ZNF517: variants seen among roughly 807,000 people sequenced by gnomAD.
The protein encoded by ZNF517 is zinc finger protein 517.
ZNF517 carries 12 observed loss-of-function variants against 12.1 expected under a neutral mutation model. The ratio of observed to expected loss-of-function variants is 0.99; its 90% CI spans 0.63 to 1.61. The LOEUF is 1.61. ZNF517 is among the 40% of genes most tolerant of loss of function. The probability of loss-of-function intolerance (pLI) is 0.00; values close to 1 mark genes in which losing one functional copy is unlikely to be tolerated. For missense variants in ZNF517, 781 were observed against 693.2 expected, an observed-to-expected ratio of 1.13 and a Z score of -1.42; for synonymous variants, 388 against 310.2, an observed-to-expected ratio of 1.25 and a Z score of -2.63.
At chr8:144,811,726 CAG>C (rs1218745695), downstream of ZNF517, among the ~76,000 whole-genome samples, 5 of 131,418 alleles carry the variant, frequency 3.8e-5, no homozygotes, top group South Asian at 2.6e-4. Context: ...AAGGCTGAGA[CAG>C]GGTGGGAGAG....
At position 144,809,219 on chromosome 8, in the gene ZNF517, ATCTC is replaced by A. The variant is rs1320438597; in HGVS notation, c.*828_*831del. 4.6e-5 allele frequency: 7 copies of A among 151,216 alleles called. No homozygotes were observed. The highest frequency in any genetic ancestry group is 7.4e-5 in the Non-Finnish European group (5 of 67,960). 9.4% of individuals were successfully genotyped at this position (151,216 alleles called of 1,614,324 possible). A position where few individuals can be genotyped will look rare whatever the true frequency, so the allele number is the denominator to read the frequency against. ...TATCTATCTCTTTTTTTGAGGCAGG[ATCTC>A]TCTGTCAGCCAGCCTGGAGTGCAAT... On this transcript the variant is annotated 3_prime_UTR_variant, in exon 5 of 5. Transcript: ENST00000359971.
In ZNF517 at chr8:144,808,632, GGAAATGTCCA is replaced by G; in HGVS notation, c.*239_*248del. On this transcript the variant is annotated 3_prime_UTR_variant, in exon 5 of 5. Coordinates refer to ENST00000359971, the MANE Select transcript of ZNF517 (RefSeq NM_213605.3). ...CAGCCACCATTTCCTGGGGCCTTCC[GGAAATGTCCA>G]GGAGCGGGCAGAAGGGAGAGAGGGA... The G allele has an allele frequency of 2.1e-6, 1 of 482,204 alleles. No homozygotes were observed. Among genetic ancestry groups the G allele is most frequent in the African/African-American group, 2.0e-5 (1 of 49,798 alleles). The allele number at this position is 482,204 out of a possible 1,614,324, so 29.9% of individuals were successfully genotyped here. A position where few individuals can be genotyped will look rare whatever the true frequency, so the allele number is the denominator to read the frequency against.
In ZNF517 at chr8:144,807,455, G is replaced by A. The variant is rs905637322; in HGVS notation, c.539G>A (p.Cys180Tyr). ...GGGAGCTCAGCCCCCCGCTACAGGT[G>A]CGTGTGCGGCAAGGCGTTCAGATAC... is the stretch of plus-strand genomic sequence containing the variant. ...PVGSSAPRYR[C>Y]VCGKAFRYNS... is the part of the protein sequence containing the mutation. The change falls in exon 5 of 5, where the codon TGC becomes TAC. Residue 180 changes from cysteine (C) to tyrosine (Y), a missense_variant. Transcript: ENST00000359971. 16 of 1,576,938 alleles carry A rather than the reference G, an allele frequency of 1.0e-5. No homozygotes were observed. The highest frequency in any genetic ancestry group is 1.8e-5 in the Admixed American group (1 of 54,330).
intron 3 of ZNF517, 139 bp from the exon 4 acceptor site, chr8:144,803,986 C>T (rs1245427444): frequency 4.7e-6 from 5 of 1,068,324 alleles, no homozygotes; most frequent in Non-Finnish European, 5.3e-6. Context: ...CCCCTGGCCA[C>T]CTAGCTGCCC....
downstream of ZNF517, among the ~76,000 whole-genome samples, chr8:144,812,801 A>C (rs1271740121): frequency 6.6e-6 from 1 of 152,250 alleles, no homozygotes; most frequent in Non-Finnish European, 1.5e-5. Flanking sequence ...CAAATGAGGA[A>C]GCCAAATGGT....
chr8:144,807,838 G>T lies in ZNF517; in HGVS notation c.922G>T (p.Gly308Cys), dbSNP rs761449255. 30 of 1,600,130 alleles carry T rather than the reference G, an allele frequency of 1.9e-5. No individual in the cohort carries two copies. Among genetic ancestry groups the T allele is most frequent in the Admixed American group, 3.4e-5 (2 of 59,014 alleles). Residue 308 changes from glycine (G) to cysteine (C), a missense_variant, in exon 5 of 5, where the codon GGC (glycine) becomes TGC (cysteine). By Grantham distance (159) the Gly-to-Cys change is radical (BLOSUM62 -3). Coordinates refer to ENST00000359971, the MANE Select transcript of ZNF517 (RefSeq NM_213605.3). ...FCRRFTLNEHGRIHSGERPYR... is the reference protein window; with the variant it reads ...FCRRFTLNEHCRIHSGERPYR... ...CCGCAGGTTCACCCTCAACGAGCAC[G>T]GCCGCATCCACAGCGGGGAGCGGCC...
intron 1 of ZNF517, among the ~76,000 whole-genome samples, chr8:144,801,528 A>AGTGC (rs1826960516): frequency 2.0e-5 from 3 of 152,062 alleles, no homozygotes; most frequent in Middle Eastern, 3.4e-3. Context: ...CCCAGGCTGG[A>AGTGC]GTGCGGTGGC....
downstream of ZNF517, among the ~76,000 whole-genome samples, chr8:144,812,291 G>A (rs1201516405): frequency 1.6e-5 from 2 of 128,932 alleles, no homozygotes; most frequent in Non-Finnish European, 3.2e-5. Context: ...GAGACAGGGT[G>A]GGAGAGACAC....
Position 144,808,631 on chromosome 8 carries a change from C to A in ZNF517, c.*236C>A. ...TCAGCCACCATTTCCTGGGGCCTTC[C>A]GGAAATGTCCAGGAGCGGGCAGAAG... On this transcript the variant is annotated 3_prime_UTR_variant, in exon 5 of 5. Transcript: ENST00000359971. 2.1e-6 allele frequency: 1 copy of A among 475,708 alleles called. No homozygotes were observed. The highest frequency in any genetic ancestry group is 3.4e-6 in the Non-Finnish European group (1 of 292,582). The allele number at this position is 475,708 out of a possible 1,614,324, so 29.5% of individuals were successfully genotyped here.
Position 144,808,274 on chromosome 8 carries a change from G to C in ZNF517, c.1358G>C (p.Arg453Pro). ...CTCCACAGCGGCGAGAGGCCATACC[G>C]GTGCCGCGCCTGCGGGAGGGCCTGC... Reference protein sequence around the residue: ...YRLHSGERPYRCRACGRACSR... With the variant: ...YRLHSGERPYPCRACGRACSR... The change falls in exon 5 of 5, where the codon CGG becomes CCG. Residue 453 changes from arginine (R) to proline (P), a missense_variant. Coordinates refer to ENST00000359971, the MANE Select transcript of ZNF517 (RefSeq NM_213605.3). The C allele has an allele frequency of 6.4e-7, 1 of 1,571,444 alleles. No individual in the cohort carries two copies. The highest frequency in any genetic ancestry group is 8.6e-7 in the Non-Finnish European group (1 of 1,157,212).
rs762134868 is a variant in ZNF517, at chr8:144,807,639, C to T, written c.723C>T (p.Ala241=). Residue 241 remains alanine (A), a synonymous_variant, in exon 5 of 5, where the codon GCC becomes GCT. Transcript: ENST00000359971. ...KPFQCGECGK[A]FRQSTQLAAH... ...TCCAGTGCGGCGAGTGCGGGAAGGC[C>T]TTCCGGCAGAGCACGCAGCTGGCTG... is the stretch of plus-strand genomic sequence containing the variant. The T allele has an allele frequency of 8.7e-6, 14 of 1,610,082 alleles. No homozygotes were observed. Among genetic ancestry groups the T allele is most frequent in the Middle Eastern group, 3.3e-4 (2 of 6,080 alleles).
chr8:144,813,325 A>AG (rs1410946748), downstream of ZNF517, among the ~76,000 whole-genome samples: 2 of 151,822 alleles, frequency 1.3e-5, no homozygotes, highest in Non-Finnish European at 2.9e-5. Context: ...CAAAAAAAAA[A>AG]AAAAAAAAAA....
chr8:144,807,671 A>G lies in ZNF517; in HGVS notation c.755A>G (p.His252Arg). 6.2e-7 allele frequency: 1 copy of G among 1,605,298 alleles called. No homozygotes were observed. The highest frequency in any genetic ancestry group is 2.2e-5 in the East Asian group (1 of 44,542). ...FRQSTQLAAH[H>R]RVHTRERPYA... ...CAGAGCACGCAGCTGGCTGCCCACC[A>G]CCGCGTCCACACCCGCGAGCGGCCC... The change falls in exon 5 of 5, where the codon CAC (histidine) becomes CGC (arginine). Residue 252 changes from histidine to arginine, a missense_variant. His to Arg is a conservative substitution (Grantham distance 29). Transcript: ENST00000359971.
In ZNF517 at chr8:144,808,382, G is replaced by C. The variant is rs1220455464; in HGVS notation, c.1466G>C (p.Cys489Ser). ...GACACAGAGGGCAGGCGGGCGCCCT[G>C]TTGGGCTTCCTGATGACGGGGACGA... ...GEDTEGRRAP[C>S]WAS Residue 489 changes from cysteine to serine, a missense_variant, in exon 5 of 5, where the codon TGT becomes TCT. Physicochemically the swap from Cys to Ser is moderately radical, Grantham distance 112. Transcript: ENST00000359971. 1.4e-5 allele frequency: 20 copies of C among 1,456,150 alleles called. No homozygotes were observed. The highest frequency in any genetic ancestry group is 1.7e-5 in the Non-Finnish European group (19 of 1,104,398). 90.2% of individuals were successfully genotyped at this position (1,456,150 alleles called of 1,614,324 possible).
chr8:144,811,743 G>C (rs112569524), downstream of ZNF517, among the ~76,000 whole-genome samples: 1 of 131,846 alleles, frequency 7.6e-6, no homozygotes, highest in African/African-American at 3.1e-5. Context: ...GGAGAGACAC[G>C]GACAGTACGC....
At chr8:144,803,526 G>A in intron 2 of ZNF517, 115 bp from the exon 3 acceptor site, 1 of 1,420,076 alleles carries the variant, frequency 7.0e-7, no homozygotes, top group African/African-American at 1.4e-5. Context: ...GGGCCCTGTG[G>A]ATGCAGCAGT....
At chr8:144,800,789 G>T in intron 1 of ZNF517, 1 of 709,288 alleles carries the variant, frequency 1.4e-6, no homozygotes, top group Non-Finnish European at 1.7e-6. Flanking sequence ...GCTGCCAAAT[G>T]TCACTTCATA....
chr8:144,803,343 CTCCT>C (rs1827060565), intron 2 of ZNF517: 1 of 478,164 alleles, frequency 2.1e-6, no homozygotes, highest in African/African-American at 1.9e-5. Flanking sequence ...AGTGCAGGTG[CTCCT>C]TCCCCAAATC....
chr8:144,800,734 TC>T, intron 1 of ZNF517: 3 of 976,264 alleles, frequency 3.1e-6, no homozygotes, highest in Non-Finnish European at 3.7e-6. Context: ...ATCTGTCTGA[TC>T]CACCCCCATC....
Sources: allele counts gnomAD v4.1 joint callset (sites outside exome capture counted in the v4.1 genomes callset), GRCh38; gene constraint gnomAD v4.1.1; transcripts MANE v1.5; gene names NCBI Gene and HGNC (gene_info 2026-07-23, HGNC 2026-07-21).